PPP1R2: variants seen among roughly 807,000 people sequenced by gnomAD.
PPP1R2 encodes protein phosphatase 1 regulatory inhibitor subunit 2.
PPP1R2 carries 16 observed loss-of-function variants against 29.9 expected under a neutral mutation model. The ratio of observed to expected loss-of-function variants is 0.53; its 90% confidence interval spans 0.36 to 0.81. The LOEUF is 0.81. PPP1R2 is among the 30% of genes least tolerant of loss of function. The pLI is 0.00. For synonymous variants in PPP1R2, 76 were observed against 91.5 expected (o/e 0.83, Z 0.96); for missense variants, 197 against 252.7 (o/e 0.78, Z 1.49).
chr3:195,541,232 C>T (rs1028881914), intron 1 of PPP1R2, among the ~76,000 whole-genome samples: 6 of 152,022 alleles, frequency 3.9e-5, no homozygotes, highest in African/African-American at 1.2e-4. Context: ...ATTGGGCCCA[C>T]GGGAAATTAC....
intron 1 of PPP1R2, among the ~76,000 whole-genome samples, chr3:195,539,373 C>A (rs1016164727): frequency 1.3e-5 from 2 of 152,030 alleles, no homozygotes; most frequent in African/African-American, 4.8e-5. Flanking sequence ...TTAATTTAAC[C>A]CTCAAAAATT....
chr3:195,537,519 G>GTGTGTGTGTGTGTGTGTT (rs1338052818), intron 1 of PPP1R2, among the ~76,000 whole-genome samples: 8 of 150,168 alleles, frequency 5.3e-5, no homozygotes, highest in Non-Finnish European at 1.0e-4. Context: ...GTGTGTGTGT[G>GTGTGTGTGTGTGTGTGTT]TTTCCATTTC....
intron 4 of PPP1R2, 31 bp from the exon 5 acceptor site, chr3:195,519,216 T>C: frequency 6.6e-7 from 1 of 1,524,410 alleles, no homozygotes; most frequent in Non-Finnish European, 9.0e-7. Flanking sequence ...ACTTAGGAAG[T>C]TTGAGCTCAA....
intron 1 of PPP1R2, among the ~76,000 whole-genome samples, chr3:195,535,239 A>C (rs528551404): frequency 1.3e-5 from 2 of 152,200 alleles, no homozygotes; most frequent in Non-Finnish European, 2.9e-5. Context: ...CACTCCTATG[A>C]GAATCTAATG....
chr3:195,536,875 G>A (rs1188668600), intron 1 of PPP1R2, among the ~76,000 whole-genome samples: 1 of 151,288 alleles, frequency 6.6e-6, no homozygotes, highest in Non-Finnish European at 1.5e-5. Context: ...GACCTCTGGA[G>A]TTTAAAAAGT....
rs539170906 is a variant in PPP1R2, at chr3:195,527,882, T to G, written c.230+1912A>C. 1.5e-3 allele frequency: 569 copies of G among 374,794 alleles called. 4 individuals carry two copies. The Middle Eastern group carries it at 0.027, about 18-fold the overall frequency. The allele number at this position is 374,794 out of a possible 1,614,324, so 23.2% of individuals were successfully genotyped here. On this transcript the variant is annotated intron_variant, in intron 2 of 5. Transcript: ENST00000618156. ...CAGATCTTGTATCTTTTTTTTTTTT[T>G]AAGATTTTTAAAGTATATACCTGCA...
intron 4 of PPP1R2, among the ~76,000 whole-genome samples, chr3:195,521,349 AAT>A (rs1718756228): frequency 1.3e-5 from 2 of 150,818 alleles, no homozygotes; most frequent in African/African-American, 2.4e-5. Flanking sequence ...GAACTGCAAT[AAT>A]TACCCAGTTT....
chr3:195,516,991 C>T, intron 5 of PPP1R2, 49 bp from the exon 6 acceptor site: 8 of 1,515,128 alleles, frequency 5.3e-6, no homozygotes, highest in Non-Finnish European at 7.3e-6. Flanking sequence ...ATGTTGTCAA[C>T]CCTGGCTAAA....
At chr3:195,531,573 C>T (rs1404731328) in intron 1 of PPP1R2, among the ~76,000 whole-genome samples, 2 of 152,176 alleles carry the variant, frequency 1.3e-5, no homozygotes, top group Admixed American at 6.5e-5. Flanking sequence ...CCCTAATATA[C>T]CCACAGTGTC....
chr3:195,533,680 T>C (rs1205117724), intron 1 of PPP1R2, among the ~76,000 whole-genome samples: 1 of 152,100 alleles, frequency 6.6e-6, no homozygotes, highest in East Asian at 1.9e-4. Context: ...TAAAATCAAA[T>C]AAAAGGAAAT....
chr3:195,524,511 C>A (rs952077039), intron 3 of PPP1R2, among the ~76,000 whole-genome samples: 1 of 152,084 alleles, frequency 6.6e-6, no homozygotes, highest in Non-Finnish European at 1.5e-5. Flanking sequence ...AATGACAGAG[C>A]GAGACTCTGT....
chr3:195,529,543 T>A (rs1364117220), intron 2 of PPP1R2: 2 of 311,470 alleles, frequency 6.4e-6, no homozygotes, highest in Non-Finnish European at 1.2e-5. Flanking sequence ...CATTAGTAGC[T>A]AGCAACCACT....
rs1718476640 is a variant in PPP1R2, at chr3:195,514,572, T to C, written c.*2324A>G. 1 of 152,350 alleles carries C rather than the reference T, an allele frequency of 6.6e-6. No homozygotes were observed. The highest frequency in any genetic ancestry group is 2.1e-4 in the South Asian group (1 of 4,828). 9.4% of individuals were successfully genotyped at this position (152,350 alleles called of 1,614,324 possible). On this transcript the variant is annotated 3_prime_UTR_variant, in exon 6 of 6. Transcript: ENST00000618156. ...CCTTAACAATCCATTTACACCATTATGTCAAATTTTAGTCATCTCTGCAGA... is the reference window on the plus strand; with the variant it reads ...CCTTAACAATCCATTTACACCATTACGTCAAATTTTAGTCATCTCTGCAGA...
At position 195,543,221 on chromosome 3, in the gene PPP1R2, C is replaced by G. The variant is rs1719674000; in HGVS notation, c.-196G>C. 2.9e-6 allele frequency: 2 copies of G among 685,770 alleles called. No individual in the cohort carries two copies. The highest frequency in any genetic ancestry group is 2.2e-5 in the South Asian group (1 of 45,382). 42.5% of individuals were successfully genotyped at this position (685,770 alleles called of 1,614,324 possible). A position where few individuals can be genotyped will look rare whatever the true frequency, so the allele number is the denominator to read the frequency against. ...CCCCGACGCCAGAGCCAACGCCGAA[C>G]GGGTGGCGGCTACTCGCGCACCCTT... On this transcript the variant is annotated 5_prime_UTR_variant, in exon 1 of 6. Coordinates refer to ENST00000618156, the MANE Select transcript of PPP1R2 (RefSeq NM_006241.8).
rs1432171914 is a variant in PPP1R2 at position 195,514,458 on chromosome 3, T to C, written c.*2438A>G. On this transcript the variant is annotated 3_prime_UTR_variant, in exon 6 of 6. Transcript: ENST00000618156. The stretch of plus-strand genomic sequence containing the variant: ...TTATTGTATTTTATTACAGTACGTG[T>C]AGTGTATACTAACTGAAAGGGAAAA... 1 of 152,226 alleles carries C rather than the reference T, an allele frequency of 6.6e-6. No individual in the cohort carries two copies. The highest frequency in any genetic ancestry group is 1.5e-5 in the Non-Finnish European group (1 of 68,042). 9.4% of individuals were successfully genotyped at this position (152,226 alleles called of 1,614,324 possible). A position where few individuals can be genotyped will look rare whatever the true frequency, so the allele number is the denominator to read the frequency against.
intron 5 of PPP1R2, among the ~76,000 whole-genome samples, chr3:195,517,150 AAAAC>A (rs1718576116): frequency 6.6e-6 from 1 of 152,194 alleles, no homozygotes; most frequent in African/African-American, 2.4e-5. Context: ...ACTTGCTGAT[AAAAC>A]AAACAGGTTT....
intron 1 of PPP1R2, among the ~76,000 whole-genome samples, chr3:195,541,490 T>A (rs1407374605): frequency 1.4e-5 from 2 of 143,446 alleles, no homozygotes; most frequent in Non-Finnish European, 1.5e-5. Context: ...AGAGATGAGG[T>A]CTCATTATGT....
chr3:195,525,663 T>A (rs2108943454), intron 2 of PPP1R2, among the ~76,000 whole-genome samples: 1 of 152,220 alleles, frequency 6.6e-6, no homozygotes, highest in South Asian at 2.1e-4. Flanking sequence ...ATTTCGGAAG[T>A]TTACAAGTGA....
intron 1 of PPP1R2, among the ~76,000 whole-genome samples, chr3:195,537,313 T>A (rs823512): frequency 0.36 from 55,100 of 151,920 alleles, 10,399 homozygotes; most frequent in African/African-American, 0.4. Flanking sequence ...TTTGTATATA[T>A]GCTATTCAAT....
Sources: allele counts gnomAD v4.1 joint callset (sites outside exome capture counted in the v4.1 genomes callset), GRCh38; gene constraint gnomAD v4.1.1; transcripts MANE v1.5; gene names NCBI Gene and HGNC (gene_info 2026-07-23, HGNC 2026-07-21).